Variants in PKHD1 observed in about 807,000 individuals in gnomAD.
PKHD1 encodes PKHD1 ciliary IPT domain containing fibrocystin/polyductin.
Under a neutral mutation model 412.0 loss-of-function variants are expected in PKHD1, and 291 were observed. The observed-to-expected ratio is 0.71, with a 90% CI of 0.64 to 0.78. The LOEUF (loss-of-function observed/expected upper bound fraction) is 0.78, where lower values mean the gene tolerates loss of function less well. PKHD1 is among the 30% of genes least tolerant of loss of function. The probability of loss-of-function intolerance (pLI) is 0.00; values close to 1 mark genes in which losing one functional copy is unlikely to be tolerated. For missense variants in PKHD1, 4,825 were observed against 4,950.7 expected (o/e 0.97, Z 0.76); for synonymous variants, 1,777 against 1,821.5 (o/e 0.98, Z 0.62).
At chr6:52,075,142 G>T (rs187400681) in intron 6 of PKHD1, among the ~76,000 whole-genome samples, 1 of 152,294 alleles carries the variant, frequency 6.6e-6, no homozygotes, top group East Asian at 1.9e-4. Flanking sequence ...AGGTCCCAAT[G>T]ATTCAGACAA....
intron 52 of PKHD1, among the ~76,000 whole-genome samples, chr6:51,822,812 C>T (rs139830898): frequency 6.6e-6 from 1 of 152,214 alleles, no homozygotes; most frequent in African/African-American, 2.4e-5. Flanking sequence ...TGCAAAAGTT[C>T]TGGTCATCTT....
At position 51,943,572 on chromosome 6, in the gene PKHD1, TC is replaced by T. The variant is rs1172332565; in HGVS notation, c.5909-9251del. ...CCCCAAACCACCATTCTTAACTCCCTCTTAAAGTAAATAAATAATCTTTGCT... is the reference window on the plus strand; with the variant it reads ...CCCCAAACCACCATTCTTAACTCCCTTTAAAGTAAATAAATAATCTTTGCT... On this transcript the variant is annotated intron_variant, in intron 36 of 66. Coordinates refer to ENST00000371117, the MANE Select transcript of PKHD1 (RefSeq NM_138694.4). Among the ~76,000 whole-genome samples, 2 of 151,596 alleles carry T rather than the reference TC, an allele frequency of 1.3e-5. 1 individual carries two copies. The highest frequency in any genetic ancestry group is 3.0e-5 in the Non-Finnish European group (2 of 67,784).
intron 16 of PKHD1, among the ~76,000 whole-genome samples, chr6:52,057,756 T>C (rs1461503506): frequency 6.6e-6 from 1 of 152,052 alleles, no homozygotes; most frequent in Non-Finnish European, 1.5e-5. Flanking sequence ...TCTACTTTGT[T>C]CTATGGTTAT....
At chr6:51,715,149 C>G (rs945651591) in intron 60 of PKHD1, among the ~76,000 whole-genome samples, 20 of 152,070 alleles carry the variant, frequency 1.3e-4, no homozygotes, top group African/African-American at 4.3e-4. Flanking sequence ...TGTGGTCTTT[C>G]CTAGTTTAGG....
At chr6:51,900,909 AT>A (rs1781152027) in intron 43 of PKHD1, among the ~76,000 whole-genome samples, 1 of 152,262 alleles carries the variant, frequency 6.6e-6, no homozygotes, top group African/African-American at 2.4e-5. Flanking sequence ...CAAAAAACAC[AT>A]AAAAAAATGC....
intron 35 of PKHD1, among the ~76,000 whole-genome samples, chr6:52,000,056 G>T (rs1471792382): frequency 2.6e-5 from 4 of 152,148 alleles, no homozygotes; most frequent in Admixed American, 2.0e-4. Flanking sequence ...TCAAGAAATG[G>T]ACCTGTGGAA....
At chr6:51,665,327 T>C (rs1312769064) in intron 60 of PKHD1, among the ~76,000 whole-genome samples, 4 of 152,152 alleles carry the variant, frequency 2.6e-5, no homozygotes, top group Non-Finnish European at 5.9e-5. Context: ...AAACTCTTTA[T>C]AGAGATGAAG....
chr6:51,774,526 T>C (rs950652900), intron 54 of PKHD1, among the ~76,000 whole-genome samples: 3 of 151,928 alleles, frequency 2.0e-5, no homozygotes, highest in Non-Finnish European at 4.4e-5. Context: ...TTAGAAAAAT[T>C]AAAACATTCT....
At chr6:51,674,833 T>A (rs2150525524) in intron 60 of PKHD1, among the ~76,000 whole-genome samples, 1 of 152,292 alleles carries the variant, frequency 6.6e-6, no homozygotes, top group African/African-American at 2.4e-5. Flanking sequence ...CATTTGGCCC[T>A]TTTAATATTT....
chr6:51,776,361 C>T (rs1791025311), intron 53 of PKHD1, among the ~76,000 whole-genome samples: 1 of 151,848 alleles, frequency 6.6e-6, no homozygotes, highest in Non-Finnish European at 1.5e-5. Flanking sequence ...TCTTAAATAG[C>T]CTGTGGTATC....
intron 62 of PKHD1, 59 bp downstream of exon 62, chr6:51,649,026 G>A (rs1005740970): frequency 6.6e-7 from 1 of 1,523,220 alleles, no homozygotes; most frequent in Non-Finnish European, 9.1e-7. Context: ...CTAAAAGATA[G>A]GCTGAATGCT....
chr6:51,913,846 A>C (rs1362381260), intron 37 of PKHD1, among the ~76,000 whole-genome samples: 1 of 152,152 alleles, frequency 6.6e-6, no homozygotes, highest in East Asian at 1.9e-4. Flanking sequence ...GTCTTAAAAA[A>C]ATGTACAGAG....
chr6:51,671,323 C>T (rs1160260670), intron 60 of PKHD1, among the ~76,000 whole-genome samples: 1 of 152,204 alleles, frequency 6.6e-6, no homozygotes, highest in East Asian at 1.9e-4. Context: ...GATACCCTGT[C>T]TTCCAGTTGA....
chr6:51,816,311 A>T (rs1416132785), intron 52 of PKHD1, among the ~76,000 whole-genome samples: 2 of 149,740 alleles, frequency 1.3e-5, no homozygotes, highest in Non-Finnish European at 1.5e-5. Context: ...CTACTTACTT[A>T]GACAGCTAAG....
chr6:51,782,742 G>T (rs781102020), intron 53 of PKHD1, among the ~76,000 whole-genome samples: 1 of 152,002 alleles, frequency 6.6e-6, no homozygotes, highest in Non-Finnish European at 1.5e-5. Context: ...TTTTAACTTT[G>T]TATATTTTTT....
At chr6:51,670,879 A>G (rs1425645799) in intron 60 of PKHD1, among the ~76,000 whole-genome samples, 26 of 150,848 alleles carry the variant, frequency 1.7e-4, no homozygotes, top group Admixed American at 1.7e-3. Flanking sequence ...ATTGGCCCCC[A>G]CTCTCTTCTG....
chr6:51,723,795 AAGAC>A (rs1320665337), intron 60 of PKHD1, among the ~76,000 whole-genome samples: 1 of 152,142 alleles, frequency 6.6e-6, no homozygotes, highest in Non-Finnish European at 1.5e-5. Flanking sequence ...GAAAGAGAGA[AAGAC>A]AGAGAGAGAG....
rs1562239005 is a variant in PKHD1 at position 51,754,785 on chromosome 6, A to C, written c.8796T>G (p.Ile2932Met). The change falls in exon 56 of 67, where the codon ATT becomes ATG. Residue 2932 changes from isoleucine (I) to methionine (M), a missense_variant and splice_region_variant. Coordinates refer to ENST00000371117, the MANE Select transcript of PKHD1 (RefSeq NM_138694.4). ...RIYERLKHRH[I>M]GSVHVTEDGR... ...TTAACCAACAAACCAAAGCCTTACC[A>C]ATATGCCGGTGTTTGAGCCGTTCAT... is the stretch of plus-strand genomic sequence containing the variant. 1.9e-6 allele frequency: 3 copies of C among 1,613,358 alleles called. No individual in the cohort carries two copies. Among genetic ancestry groups the C allele is most frequent in the Non-Finnish European group, 2.5e-6 (3 of 1,179,436 alleles).
At position 51,886,459 on chromosome 6, in the gene PKHD1, C is replaced by T. The variant is rs1256466129; in HGVS notation, c.7110-487G>A. ...TGTATATTTGCAATGGAATATTATT[C>T]AGCCTTTAAAGAGAAGGAAATCCTG... On this transcript the variant is annotated intron_variant, in intron 44 of 66. Transcript: ENST00000371117. Among the ~76,000 whole-genome samples the T allele has an allele frequency of 5.3e-5, 8 of 152,280 alleles. No individual in the cohort carries two copies. In the East Asian group the frequency reaches 1.3e-3, roughly 26 times the overall value.
Sources: allele counts gnomAD v4.1 joint callset (sites outside exome capture counted in the v4.1 genomes callset), GRCh38; gene constraint gnomAD v4.1.1; transcripts MANE v1.5; gene names NCBI Gene and HGNC (gene_info 2026-07-23, HGNC 2026-07-21).